The following GRAMD1C variants were observed in gnomAD, a reference collection of about 807,000 sequenced individuals.
GRAMD1C encodes the protein GRAM domain containing 1C.
A neutral mutation model predicts 97.8 loss-of-function variants in GRAMD1C; 89 were observed. That is an observed-to-expected ratio of 0.91 (90% CI 0.77 to 1.09). The LOEUF (loss-of-function observed/expected upper bound fraction) is 1.09. Among genes scored for constraint, GRAMD1C ranks in the 50% least tolerant of loss-of-function variants. GRAMD1C has a pLI of 0.00. For missense variants in GRAMD1C, 740 were observed against 766.4 expected (o/e 0.97, Z 0.41); for synonymous variants, 256 against 267.0 (o/e 0.96, Z 0.40).
upstream of GRAMD1C, among the ~76,000 whole-genome samples, chr3:113,836,205 A>G (rs887909319): frequency 6.6e-6 from 1 of 152,218 alleles, no homozygotes; most frequent in African/African-American, 2.4e-5. Flanking sequence ...CAGAGGTTAC[A>G]GTGAGTCAAG....
At chr3:113,883,594 T>A (rs887579058) in intron 6 of GRAMD1C, among the ~76,000 whole-genome samples, 23 of 149,634 alleles carry the variant, frequency 1.5e-4, no homozygotes, top group African/African-American at 5.1e-4. Flanking sequence ...ACAAATTAGA[T>A]TCAAAGGCAC....
At chr3:113,849,898 C>T (rs1186224834) in intron 2 of GRAMD1C, among the ~76,000 whole-genome samples, 4 of 150,356 alleles carry the variant, frequency 2.7e-5, no homozygotes, top group East Asian at 2.0e-4. Context: ...ACCTCCCGGA[C>T]GGGGCGGCTG....
chr3:113,922,135 G>T (rs1010730273), intron 10 of GRAMD1C, among the ~76,000 whole-genome samples: 2 of 151,750 alleles, frequency 1.3e-5, no homozygotes, highest in African/African-American at 4.8e-5. Context: ...GTACAGTGGC[G>T]CAAACAGCTT....
At chr3:113,918,324 A>G (rs1264058529) in intron 10 of GRAMD1C, among the ~76,000 whole-genome samples, 1 of 152,128 alleles carries the variant, frequency 6.6e-6, no homozygotes, top group Admixed American at 6.6e-5. Context: ...GAAGAACTGG[A>G]TACATTATTT....
In GRAMD1C at chr3:113,946,348, CTTCTT is replaced by C. The variant is rs750081491; in HGVS notation, c.*872_*876del. 9.2e-5 allele frequency: 14 copies of C among 152,620 alleles called. No individual in the cohort carries two copies. The highest frequency in any genetic ancestry group is 2.4e-4 in the African/African-American group (10 of 41,534). The allele number at this position is 152,620 out of a possible 1,614,324, so 9.5% of individuals were successfully genotyped here. On this transcript the variant is annotated 3_prime_UTR_variant, in exon 18 of 18. Transcript: ENST00000358160. ...ATTTTCAGTAACCATGTATGGCTTCCTTCTTTATGTATGTGTGTGACTTGTTTTGA... is the reference window on the plus strand; with the variant it reads ...ATTTTCAGTAACCATGTATGGCTTCCTATGTATGTGTGTGACTTGTTTTGA...
chr3:113,838,597 C>T (rs1471688360), upstream of GRAMD1C: 2 of 310,402 alleles, frequency 6.4e-6, no homozygotes, highest in Non-Finnish European at 5.9e-6. Context: ...AAAAAAGTTT[C>T]CGAGCAATTC....
chr3:113,906,820 A>G (rs1246053915), intron 8 of GRAMD1C, among the ~76,000 whole-genome samples: 2 of 152,132 alleles, frequency 1.3e-5, no homozygotes, highest in Non-Finnish European at 2.9e-5. Flanking sequence ...AAACAGGTGT[A>G]CCATTTTCTA....
rs145318450 is a variant in GRAMD1C at position 113,830,224 on chromosome 3, T to C, written n.98+1945T>C. 1.9e-3 allele frequency among the ~76,000 whole-genome samples: 288 copies of C among 152,282 alleles called. 2 individuals are homozygous for C. Among genetic ancestry groups the C allele is most frequent in the African/African-American group, 6.6e-3 (273 of 41,548 alleles). On this transcript the variant is annotated intron_variant and non_coding_transcript_variant, in intron 1 of 18. Coordinates refer to the GRAMD1C transcript ENST00000479212. ...TCTTTTATTATGGAGATGGGTTCTCTACATGGCCAGGCACCATGTTGCCTG... is the reference window on the plus strand; with the variant it reads ...TCTTTTATTATGGAGATGGGTTCTCCACATGGCCAGGCACCATGTTGCCTG...
In GRAMD1C at chr3:113,884,646, CAT is replaced by C. The variant is rs375346732; in HGVS notation, c.540+1815_540+1816del. Among the ~76,000 whole-genome samples the C allele has an allele frequency of 6.4e-4, 98 of 152,160 alleles. 1 individual carries two copies. The highest frequency in any genetic ancestry group is 5.0e-3 in the East Asian group (26 of 5,156). ...AGGAGATCGAGACCATCCTGGCTAA[CAT>C]GTGTTATGGTGAAACCTCGTCTCTA... On this transcript the variant is annotated intron_variant, in intron 6 of 17. Transcript: ENST00000358160.
intron 17 of GRAMD1C, among the ~76,000 whole-genome samples, chr3:113,944,347 G>C (rs1937961896): frequency 1.3e-5 from 2 of 152,160 alleles, no homozygotes; most frequent in Admixed American, 1.3e-4. Context: ...TCATGCTGTT[G>C]CATTGGGGAT....
Position 113,945,618 on chromosome 3 carries a change from C to T in GRAMD1C, c.*140C>T, listed in dbSNP as rs951614683. 10 of 574,912 alleles carry T rather than the reference C, an allele frequency of 1.7e-5. No homozygotes were observed. The highest frequency in any genetic ancestry group is 1.4e-4 in the African/African-American group (7 of 51,694). The allele number at this position is 574,912 out of a possible 1,614,324, so 35.6% of individuals were successfully genotyped here. A position where few individuals can be genotyped will look rare whatever the true frequency, so the allele number is the denominator to read the frequency against. On this transcript the variant is annotated 3_prime_UTR_variant, in exon 18 of 18. Coordinates refer to ENST00000358160, the MANE Select transcript of GRAMD1C (RefSeq NM_017577.5). ...AGATTTCTAATATGAACATTTCTTT[C>T]AGTAACATTTATTTGATAATTAGTT...
chr3:113,945,366 A>C (rs1324372976), intron 17 of GRAMD1C, 32 bp from the exon 18 acceptor site: 1 of 1,370,198 alleles, frequency 7.3e-7, no homozygotes, highest in African/African-American at 1.4e-5. Context: ...TAGAAAAATT[A>C]ATCTGATTTT....
rs960132560 is a variant in GRAMD1C at position 113,874,942 on chromosome 3, C to T, written c.260-542C>T. Among the ~76,000 whole-genome samples, 6 of 152,192 alleles carry T rather than the reference C, an allele frequency of 3.9e-5. No homozygotes were observed. In the South Asian group the frequency reaches 6.2e-4, roughly 16 times the overall value. ...CCTGTTCCTTCCACTTAAAGGTCATCGGTGGCATCTCATGACAACCACAGT... is the reference window on the plus strand; with the variant it reads ...CCTGTTCCTTCCACTTAAAGGTCATTGGTGGCATCTCATGACAACCACAGT... On this transcript the variant is annotated intron_variant, in intron 3 of 17. Transcript: ENST00000358160.
intron 6 of GRAMD1C, chr3:113,886,032 C>A: frequency 6.8e-7 from 1 of 1,466,700 alleles, no homozygotes; most frequent in Non-Finnish European, 9.3e-7. Context: ...GCTCTGGTGA[C>A]AGCTAATCCC....
At chr3:113,859,616 A>G (rs371513422) in intron 2 of GRAMD1C, among the ~76,000 whole-genome samples, 2 of 152,186 alleles carry the variant, frequency 1.3e-5, no homozygotes, top group South Asian at 2.1e-4. Flanking sequence ...ATGTTACTGA[A>G]TGTACTGTTA....
intron 1 of GRAMD1C, 145 bp from the exon 2 acceptor site, chr3:113,844,358 A>G (rs1185443446): frequency 3.0e-5 from 15 of 499,368 alleles, no homozygotes; most frequent in Non-Finnish European, 5.3e-5. Flanking sequence ...GAACTATTGA[A>G]GCAAAAACGT....
At chr3:113,918,157 A>T (rs1325121913) in intron 10 of GRAMD1C, among the ~76,000 whole-genome samples, 1 of 152,200 alleles carries the variant, frequency 6.6e-6, no homozygotes, top group African/African-American at 2.4e-5. Context: ...ATTTAAAAAA[A>T]TTATCTTTTC....
At chr3:113,933,414 T>C (rs1289839539) in intron 11 of GRAMD1C, 97 bp from the exon 12 acceptor site, 5 of 811,328 alleles carry the variant, frequency 6.2e-6, no homozygotes, top group Non-Finnish European at 9.9e-6. Flanking sequence ...TTTTTTGTAA[T>C]TTTTGAGAAG....
chr3:113,840,788 A>G (rs1419239902), intron 1 of GRAMD1C, among the ~76,000 whole-genome samples: 7 of 152,158 alleles, frequency 4.6e-5, no homozygotes, highest in East Asian at 1.9e-4. Flanking sequence ...GCCTTACACT[A>G]TGTGTGGCAC....
Sources: allele counts gnomAD v4.1 joint callset (sites outside exome capture counted in the v4.1 genomes callset), GRCh38; gene constraint gnomAD v4.1.1; transcripts MANE v1.5; gene names NCBI Gene and HGNC (gene_info 2026-07-23, HGNC 2026-07-21).